The following MARK2 variants were observed in gnomAD, a reference collection of about 807,000 sequenced individuals.
The protein encoded by MARK2 is serine/threonine-protein kinase MARK2.
In MARK2, 16 loss-of-function variants were observed where a neutral mutation model predicts 89.8. The ratio of observed to expected loss-of-function variants is 0.18; its 90% CI spans 0.12 to 0.27. MARK2 has a LOEUF of 0.27. MARK2 is among the 10% of genes least tolerant of loss of function. The pLI is 1.00. For missense variants in MARK2, 621 were observed against 1,049.9 expected (o/e 0.59, Z 5.65); for synonymous variants, 382 against 399.5 (o/e 0.96, Z 0.52).
chr11:63,877,655 G>A (rs934145425), intron 1 of MARK2, among the ~76,000 whole-genome samples: 4 of 152,006 alleles, frequency 2.6e-5, no homozygotes, highest in Non-Finnish European at 5.9e-5. Flanking sequence ...AGCCAAGATC[G>A]CGCCACTGCA....
intron 16 of MARK2, 102 bp downstream of exon 16, chr11:63,905,145 C>CCGGT: frequency 7.5e-7 from 1 of 1,335,538 alleles, no homozygotes; most frequent in Non-Finnish European, 1.0e-6. Context: ...ACACTCTGTA[C>CCGGT]CGGTATTGGG....
chr11:63,860,931 A>T (rs1415351577), intron 1 of MARK2, among the ~76,000 whole-genome samples: 1 of 152,014 alleles, frequency 6.6e-6, no homozygotes, highest in Non-Finnish European at 1.5e-5. Flanking sequence ...TCATTTTTTT[A>T]AAACTGTTTA....
Position 63,860,627 on chromosome 11 carries a change from G to T in MARK2, c.54+21067G>T, listed in dbSNP as rs868144973. Among the ~76,000 whole-genome samples the T allele has an allele frequency of 3.7e-4, 56 of 151,788 alleles. 1 individual carries two copies. The Middle Eastern group carries it at 0.017, about 47-fold the overall frequency. ...TAATCCCAGCACTTTGGGAGGCCAG[G>T]GCGGGTGGATCACGAGGTCAGGAGT... On this transcript the variant is annotated intron_variant, in intron 1 of 18. Transcript: ENST00000402010.
intron 1 of MARK2, among the ~76,000 whole-genome samples, chr11:63,894,467 C>A (rs1182212528): frequency 6.6e-6 from 1 of 152,126 alleles, no homozygotes; most frequent in Non-Finnish European, 1.5e-5. Context: ...GAGGCCAAGG[C>A]GGGCGGATCA....
In MARK2 at chr11:63,906,131, CTGTGTG is replaced by C. The variant is rs535377951; in HGVS notation, c.1961+37_1961+42del. The C allele has an allele frequency of 9.0e-5, 107 of 1,184,196 alleles. No individual in the cohort carries two copies. The highest frequency in any genetic ancestry group is 4.6e-4 in the South Asian group (12 of 26,136). The allele number at this position is 1,184,196 out of a possible 1,614,324, so 73.4% of individuals were successfully genotyped here. A position where few individuals can be genotyped will look rare whatever the true frequency, so the allele number is the denominator to read the frequency against. On this transcript the variant is annotated intron_variant, in intron 17 of 18. Coordinates refer to ENST00000402010, the MANE Select transcript of MARK2 (RefSeq NM_001039469.3). ...TGCCAGAAGGTAGGCGTTGAGCCCG[CTGTGTG>C]TGTGTGTGTGTGTGTGTGTCTGTGT...
intron 1 of MARK2, among the ~76,000 whole-genome samples, chr11:63,872,058 G>T (rs938865714): frequency 1.3e-5 from 2 of 152,226 alleles, no homozygotes; most frequent in African/African-American, 2.4e-5. Context: ...GCCACCGGAG[G>T]TTCTGCAGGC....
chr11:63,842,001 C>T (rs893334336), intron 1 of MARK2, among the ~76,000 whole-genome samples: 1 of 152,178 alleles, frequency 6.6e-6, no homozygotes, highest in Admixed American at 6.5e-5. Flanking sequence ...TTGCCCAGAG[C>T]AGTAGCTGCA....
At chr11:63,852,091 C>T (rs1273825987) in intron 1 of MARK2, among the ~76,000 whole-genome samples, 2 of 152,224 alleles carry the variant, frequency 1.3e-5, no homozygotes, top group Non-Finnish European at 2.9e-5. Flanking sequence ...CTCATTCCCT[C>T]ACCAGTATAC....
At chr11:63,855,952 TAATA>T (rs372892724) in intron 1 of MARK2, among the ~76,000 whole-genome samples, 1 of 152,370 alleles carries the variant, frequency 6.6e-6, no homozygotes, top group East Asian at 1.9e-4. Flanking sequence ...TTGAATGGAT[TAATA>T]AATATTTTTT....
In MARK2 at chr11:63,904,531, C is replaced by T. The variant is rs868624645; in HGVS notation, c.1677-255C>T. ...CGGCTCCCAGGGAGCCCGCTGTCTC[C>T]AGCCTAAACCACACTCCACACAGGG... On this transcript the variant is annotated intron_variant, in intron 15 of 18. Coordinates refer to ENST00000402010, the MANE Select transcript of MARK2 (RefSeq NM_001039469.3). The surrounding 1 kb of genome is among the most constrained non-coding windows in gnomAD (Gnocchi z 6.3). 6.6e-6 allele frequency among the ~76,000 whole-genome samples: 1 copy of T among 152,092 alleles called. No individual in the cohort carries two copies. The highest frequency in any genetic ancestry group is 2.4e-5 in the African/African-American group (1 of 41,394).
At chr11:63,899,825 C>T (rs1182896145) in intron 7 of MARK2, 49 bp from the exon 8 acceptor site, 48 of 1,268,760 alleles carry the variant, frequency 3.8e-5, no homozygotes, top group Non-Finnish European at 5.3e-5. Flanking sequence ...TGCCCAGGGC[C>T]TTAGTCTGGT....
chr11:63,900,910 T>C lies in MARK2; in HGVS notation c.988+31T>C, dbSNP rs1403333128. On this transcript the variant is annotated intron_variant, in intron 10 of 18. Transcript: ENST00000402010. This position sits in a 1 kb window ranked among gnomAD's most constrained non-coding sequence, Gnocchi z 4.7. The stretch of plus-strand genomic sequence containing the variant: ...GCTGTGCCGGGCTGTGAGGTTAAGC[T>C]TGCCTAGGAGTTGAGGCCAGTCTTA... 1.2e-6 allele frequency: 2 copies of C among 1,612,764 alleles called. No homozygotes were observed. Among genetic ancestry groups the C allele is most frequent in the Admixed American group, 1.7e-5 (1 of 60,028 alleles).
intron 1 of MARK2, among the ~76,000 whole-genome samples, chr11:63,890,619 G>A (rs1237314385): frequency 2.6e-5 from 4 of 152,200 alleles, no homozygotes; most frequent in African/African-American, 9.7e-5. Flanking sequence ...ACTCAACCTG[G>A]CCCCTTCTGC....
chr11:63,878,642 T>C (rs906561176), intron 1 of MARK2, among the ~76,000 whole-genome samples: 1 of 152,048 alleles, frequency 6.6e-6, no homozygotes, highest in African/African-American at 2.4e-5. Flanking sequence ...GTGCTGGGAT[T>C]ACAGGAGTGA....
intron 1 of MARK2, among the ~76,000 whole-genome samples, chr11:63,887,755 A>G (rs1939491802): frequency 6.6e-6 from 1 of 152,210 alleles, no homozygotes; most frequent in Non-Finnish European, 1.5e-5. Context: ...GATGAGAGAC[A>G]GCCAGCTTGC....
At chr11:63,890,407 G>T in intron 1 of MARK2, 1 of 489,070 alleles carries the variant, frequency 2.0e-6, no homozygotes. Flanking sequence ...ACCAGTGCTT[G>T]TTGCTTCTCT....
chr11:63,901,177 C>A, intron 11 of MARK2, 108 bp downstream of exon 11: 1 of 720,046 alleles, frequency 1.4e-6, no homozygotes, highest in Non-Finnish European at 2.5e-6. Context: ...TAGGTGTGCT[C>A]TCTGCTCACC....
intron 18 of MARK2, among the ~76,000 whole-genome samples, chr11:63,908,541 T>C (rs1941534846): frequency 6.6e-6 from 1 of 152,184 alleles, no homozygotes; most frequent in Admixed American, 6.5e-5. Context: ...GTCGGGTGGT[T>C]GGGGCTACAG....
At chr11:63,908,758 TG>T in intron 18 of MARK2, 118 bp from the exon 19 acceptor site, 1 of 1,052,846 alleles carries the variant, frequency 9.5e-7, no homozygotes, top group Non-Finnish European at 1.3e-6. Context: ...GGGCCACGCC[TG>T]GCTGCTCCTG....
Sources: allele counts gnomAD v4.1 joint callset (sites outside exome capture counted in the v4.1 genomes callset), GRCh38; gene constraint gnomAD v4.1.1; non-coding constraint Gnocchi (gnomAD v3.1); transcripts MANE v1.5; gene names NCBI Gene and HGNC (gene_info 2026-07-23, HGNC 2026-07-21).